The following ZNF609 variants were observed in gnomAD, a reference collection of about 807,000 sequenced individuals.
ZNF609 encodes the protein zinc finger protein 609.
In ZNF609, 11 loss-of-function variants were observed where a neutral mutation model predicts 109.5. The observed-to-expected ratio is 0.10, with a 90% CI of 0.06 to 0.17. The LOEUF is 0.17. Ranked by LOEUF, ZNF609 falls within the 10% of genes least tolerant of loss-of-function variation. ZNF609 has a pLI of 1.00. For synonymous variants in ZNF609, 646 were observed against 662.0 expected, an observed-to-expected ratio of 0.98 and a Z score of 0.37; for missense variants, 1,559 against 1,772.4, an observed-to-expected ratio of 0.88 and a Z score of 2.16.
At chr15:64,609,303 A>G (rs1895677233) in intron 2 of ZNF609, among the ~76,000 whole-genome samples, 1 of 151,656 alleles carries the variant, frequency 6.6e-6, no homozygotes, top group Non-Finnish European at 1.5e-5. Context: ...GTCATGCCTC[A>G]GCCTCTCGAA....
At chr15:64,582,083 C>G (rs1023017620) in intron 2 of ZNF609, among the ~76,000 whole-genome samples, 11 of 152,172 alleles carry the variant, frequency 7.2e-5, no homozygotes, top group Non-Finnish European at 1.6e-4. Context: ...TTTTTGACCT[C>G]TATCCTGTCT....
chr15:64,610,134 C>CTT (rs1895693732), intron 2 of ZNF609, among the ~76,000 whole-genome samples: 1 of 152,050 alleles, frequency 6.6e-6, no homozygotes, highest in South Asian at 2.1e-4. Context: ...CCCAGGAGTT[C>CTT]GAGAGCAGCT....
chr15:64,488,582 C>T (rs1893363296), intron 1 of ZNF609, among the ~76,000 whole-genome samples: 2 of 152,124 alleles, frequency 1.3e-5, no homozygotes, highest in African/African-American at 4.8e-5. Context: ...GAATCCCACC[C>T]TTTTTTGTGG....
At chr15:64,564,854 T>C (rs1894749683) in intron 2 of ZNF609, among the ~76,000 whole-genome samples, 1 of 151,876 alleles carries the variant, frequency 6.6e-6, no homozygotes, top group South Asian at 2.1e-4. Flanking sequence ...TTTTTTTTTT[T>C]TTTTCTTTTT....
chr15:64,493,983 A>G (rs1312608068), intron 1 of ZNF609, among the ~76,000 whole-genome samples: 1 of 152,218 alleles, frequency 6.6e-6, no homozygotes, highest in Admixed American at 6.5e-5. Context: ...GCAATTTTAC[A>G]GTGTATCTTT....
At chr15:64,601,235 G>T (rs1318506402) in intron 2 of ZNF609, among the ~76,000 whole-genome samples, 1 of 152,226 alleles carries the variant, frequency 6.6e-6, no homozygotes, top group East Asian at 1.9e-4. Context: ...GGACGATGAG[G>T]CTGAGGAAGG....
chr15:64,552,385 T>G (rs1203460074), intron 2 of ZNF609, among the ~76,000 whole-genome samples: 3 of 152,190 alleles, frequency 2.0e-5, no homozygotes, highest in Non-Finnish European at 4.4e-5. Context: ...TGGTTTTTTG[T>G]TTTTGAGACA....
chr15:64,640,244 G>A (rs1034898467), intron 3 of ZNF609, among the ~76,000 whole-genome samples: 2 of 151,878 alleles, frequency 1.3e-5, no homozygotes, highest in African/African-American at 4.8e-5. Flanking sequence ...TCACTTTGTT[G>A]CCCTGGCTGG....
chr15:64,464,389 T>C (rs558166411), intron 1 of ZNF609, among the ~76,000 whole-genome samples: 1 of 152,322 alleles, frequency 6.6e-6, no homozygotes, highest in African/African-American at 2.4e-5. Context: ...CCAGGTACCT[T>C]AGTACTTGTA....
chr15:64,674,572 A>C lies in ZNF609; in HGVS notation c.1718A>C (p.Glu573Ala), dbSNP rs774976484. The change falls in exon 5 of 10, where the codon GAG becomes GCG. Residue 573 changes from glutamate (E) to alanine (A), a missense_variant. Glu to Ala is a moderately radical substitution (Grantham distance 107). Around this residue, in one of 4 missense-constraint regions of ZNF609, gnomAD observed 1,204 missense variants for 1,314.1 expected, o/e 0.92. Transcript: ENST00000326648. ...RSATPKVRLV[E>A]PHSPSPSSKF... ...GCTACCCCCAAAGTTCGACTTGTAG[A>C]GCCCCATAGCCCTTCTCCTTCAAGC... is the stretch of plus-strand genomic sequence containing the variant. 6.2e-7 allele frequency: 1 copy of C among 1,614,106 alleles called. No individual in the cohort carries two copies. The highest frequency in any genetic ancestry group is 8.5e-7 in the Non-Finnish European group (1 of 1,180,022).
chr15:64,476,749 C>T (rs909951392), intron 1 of ZNF609, among the ~76,000 whole-genome samples: 5 of 152,128 alleles, frequency 3.3e-5, no homozygotes, highest in Non-Finnish European at 7.4e-5. Flanking sequence ...AACCCAGTTC[C>T]CTGAGGGGTG....
chr15:64,483,595 A>C (rs1282052311), intron 1 of ZNF609, among the ~76,000 whole-genome samples: 1 of 152,128 alleles, frequency 6.6e-6, no homozygotes, highest in Non-Finnish European at 1.5e-5. Context: ...TATGTTGCCC[A>C]GGCTGGTCTT....
chr15:64,629,637 C>A (rs563740204), intron 3 of ZNF609, among the ~76,000 whole-genome samples: 87 of 152,276 alleles, frequency 5.7e-4, no homozygotes, highest in African/African-American at 2.0e-3. Flanking sequence ...AGAAGCCACA[C>A]CATAAGACTT....
intron 8 of ZNF609, 149 bp downstream of exon 8, chr15:64,681,011 A>G: frequency 2.3e-6 from 2 of 870,554 alleles, no homozygotes; most frequent in Non-Finnish European, 3.4e-6. Flanking sequence ...TAATCTGTGC[A>G]CAGTCCTAAC....
intron 2 of ZNF609, among the ~76,000 whole-genome samples, chr15:64,528,412 AT>A (rs1234138958): frequency 6.7e-6 from 1 of 150,078 alleles, no homozygotes; most frequent in African/African-American, 2.4e-5. Flanking sequence ...ATTATTTTTA[AT>A]TTTTTGTGGG....
chr15:64,467,545 C>A (rs564032759), intron 1 of ZNF609, among the ~76,000 whole-genome samples: 4 of 152,316 alleles, frequency 2.6e-5, no homozygotes, highest in South Asian at 2.1e-4. Context: ...TAATAAAATA[C>A]TTTAGAAAAC....
chr15:64,665,275 A>C (rs949743936), intron 3 of ZNF609, among the ~76,000 whole-genome samples: 1 of 152,230 alleles, frequency 6.6e-6, no homozygotes, highest in Non-Finnish European at 1.5e-5. Flanking sequence ...GTGTGAAAAC[A>C]ATCAGAATCC....
chr15:64,573,924 T>C (rs1894904662), intron 2 of ZNF609, among the ~76,000 whole-genome samples: 1 of 152,100 alleles, frequency 6.6e-6, no homozygotes, highest in Non-Finnish European at 1.5e-5. Flanking sequence ...GATTGAGTGG[T>C]GAATGAAGGG....
intron 3 of ZNF609, among the ~76,000 whole-genome samples, chr15:64,656,341 G>T (rs1386376860): frequency 6.6e-6 from 1 of 152,162 alleles, no homozygotes; most frequent in Non-Finnish European, 1.5e-5. Context: ...GGGATTACAG[G>T]CGTGAGCCAC....
Sources: allele counts gnomAD v4.1 joint callset (sites outside exome capture counted in the v4.1 genomes callset), GRCh38; gene constraint gnomAD v4.1.1; regional missense constraint gnomAD v4.1.1; transcripts MANE v1.5; gene names NCBI Gene and HGNC (gene_info 2026-07-23, HGNC 2026-07-21).